LAMA3: variants seen among roughly 807,000 people sequenced by gnomAD.
The protein encoded by LAMA3 is laminin subunit alpha-3.
In LAMA3, 281 loss-of-function variants were observed where a neutral mutation model predicts 402.0. The observed-to-expected ratio is 0.70, with a 90% CI of 0.63 to 0.77. The LOEUF is 0.77. LAMA3 is among the 30% of genes least tolerant of loss of function. The probability of loss-of-function intolerance (pLI) is 0.00; values close to 1 mark genes in which losing one functional copy is unlikely to be tolerated. For synonymous variants in LAMA3, 1,431 were observed against 1,558.4 expected, an observed-to-expected ratio of 0.92 and a Z score of 1.93; for missense variants, 3,840 against 4,215.5, an observed-to-expected ratio of 0.91 and a Z score of 2.47.
chr18:23,803,625 A>G (rs1265738235), intron 12 of LAMA3, among the ~76,000 whole-genome samples: 1 of 152,218 alleles, frequency 6.6e-6, no homozygotes, highest in Non-Finnish European at 1.5e-5. Flanking sequence ...GCCACAGCCC[A>G]TTAATCAATA....
chr18:23,699,899 C>A (rs2060759894), intron 1 of LAMA3, among the ~76,000 whole-genome samples: 1 of 152,100 alleles, frequency 6.6e-6, no homozygotes, highest in South Asian at 2.1e-4. Context: ...ACTAAGCAGA[C>A]CCAGACTTGG....
chr18:23,697,041 A>T (rs1351317045), intron 1 of LAMA3, among the ~76,000 whole-genome samples: 1 of 152,234 alleles, frequency 6.6e-6, no homozygotes, highest in African/African-American at 2.4e-5. Context: ...GAGGCCAAGG[A>T]CCTTTAGAAT....
chr18:23,899,649 A>T, intron 47 of LAMA3, 194 bp downstream of exon 47: 1 of 583,114 alleles, frequency 1.7e-6, no homozygotes, highest in Non-Finnish European at 3.0e-6. Flanking sequence ...GTAGAATATA[A>T]CAGCTTACCA....
intron 1 of LAMA3, among the ~76,000 whole-genome samples, chr18:23,698,484 C>T (rs1009240523): frequency 1.3e-5 from 2 of 152,118 alleles, no homozygotes; most frequent in Admixed American, 6.5e-5. Context: ...GGATTACAGG[C>T]GTGAGCCACC....
Position 23,916,617 on chromosome 18 carries a change from A to AC in LAMA3, c.7846dup (p.His2616ProfsTer17). On this transcript the variant is annotated frameshift_variant, in exon 60 of 75. Transcript: ENST00000313654. LOFTEE classifies it high-confidence loss of function. ...GCTATGCTCGAGTTCCAACTCAACC[A>AC]CATGCTCCCATCCCAACCTTTGGAC... is the stretch of plus-strand genomic sequence containing the variant. 1 of 1,614,156 alleles carries AC rather than the reference A, an allele frequency of 6.2e-7. No individual in the cohort carries two copies. The highest frequency in any genetic ancestry group is 8.5e-7 in the Non-Finnish European group (1 of 1,179,978).
intron 38 of LAMA3, among the ~76,000 whole-genome samples, chr18:23,876,036 C>G (rs189646098): frequency 2.6e-4 from 40 of 152,304 alleles, no homozygotes; most frequent in African/African-American, 8.4e-4. Flanking sequence ...CTCAGCCGGG[C>G]TCAGTGGTGC....
intron 2 of LAMA3, among the ~76,000 whole-genome samples, chr18:23,719,950 T>C (rs975385041): frequency 6.6e-6 from 1 of 152,208 alleles, no homozygotes; most frequent in Non-Finnish European, 1.5e-5. Flanking sequence ...TCCTGAGGAA[T>C]TGTGTAGACT....
At chr18:23,841,821 C>T (rs1018531935) in intron 27 of LAMA3, among the ~76,000 whole-genome samples, 1 of 151,996 alleles carries the variant, frequency 6.6e-6, no homozygotes. Context: ...ACTTGGGAGG[C>T]TGAAGTGGGA....
intron 6 of LAMA3, among the ~76,000 whole-genome samples, chr18:23,757,504 T>C (rs2061874067): frequency 7.1e-6 from 1 of 140,428 alleles, no homozygotes; most frequent in Admixed American, 7.1e-5. Context: ...TAGACCCTTC[T>C]TGGCCTCGCT....
At chr18:23,810,275 G>T (rs1226752820) in intron 12 of LAMA3, 91 bp from the exon 13 acceptor site, 2 of 1,495,466 alleles carry the variant, frequency 1.3e-6, no homozygotes, top group African/African-American at 1.4e-5. Context: ...GGTCTTTCTG[G>T]CTCCACCCTC....
chr18:23,900,872 C>G (rs2081047313), intron 47 of LAMA3, among the ~76,000 whole-genome samples: 1 of 152,184 alleles, frequency 6.6e-6, no homozygotes, highest in Admixed American at 6.5e-5. Context: ...TCAGTCCTCT[C>G]ATTTCTCAAG....
chr18:23,756,434 C>T lies in LAMA3; in HGVS notation c.948-1962C>T, dbSNP rs1042941503. The stretch of plus-strand genomic sequence containing the variant: ...CAAACGACGGCATGCGGGGACACCC[C>T]CGCCGCTTCCCCCGCCCCCACCCCC... On this transcript the variant is annotated intron_variant, in intron 6 of 74. Transcript: ENST00000313654. Among the ~76,000 whole-genome samples, 50 of 150,670 alleles carry T rather than the reference C, an allele frequency of 3.3e-4. 1 individual carries two copies. Among genetic ancestry groups the T allele is most frequent in the African/African-American group, 1.2e-3 (48 of 40,940 alleles).
chr18:23,729,208 A>C (rs868324778), intron 2 of LAMA3, among the ~76,000 whole-genome samples: 24 of 152,010 alleles, frequency 1.6e-4, no homozygotes, highest in African/African-American at 5.1e-4. Context: ...TTATGACTGG[A>C]GTACAGAATA....
rs752430987 is a variant in LAMA3 at position 23,824,440 on chromosome 18, G to C, written c.2446G>C (p.Glu816Gln). 1 of 1,614,170 alleles carries C rather than the reference G, an allele frequency of 6.2e-7. No homozygotes were observed. The highest frequency in any genetic ancestry group is 8.5e-7 in the Non-Finnish European group (1 of 1,179,990). Residue 816 changes from glutamate (E) to glutamine (Q), a missense_variant, in exon 21 of 75, where the codon GAG becomes CAG. Around this residue, in one of 3 missense-constraint regions of LAMA3, gnomAD observed 2,109 missense variants for 2,376.0 expected, o/e 0.89. Coordinates refer to ENST00000313654, the MANE Select transcript of LAMA3 (RefSeq NM_198129.4). ...YPSWGAAQSK[E>Q]IIFLPSKEPA... ...TCTGATAGGTGCTGCTCAAAGCAAA[G>C]AGATCATCTTCCTGCCGAGTAAGGA...
At chr18:23,840,828 T>A (rs2063685789) in intron 27 of LAMA3, among the ~76,000 whole-genome samples, 1 of 152,216 alleles carries the variant, frequency 6.6e-6, no homozygotes, top group South Asian at 2.1e-4. Flanking sequence ...ATGCTTGTGA[T>A]CAGAAATGTT....
chr18:23,901,130 T>C lies in LAMA3; in HGVS notation c.6008T>C (p.Leu2003Pro), dbSNP rs200865470. ...EADKRESQLL[L>P]NRIRTWQKTH... is the part of the protein sequence containing the mutation. ...AACATGAGGTGATGTATTACAGTGCTGAACCGGATAAGGACCTGGCAGAAA... is the reference window on the plus strand; with the variant it reads ...AACATGAGGTGATGTATTACAGTGCCGAACCGGATAAGGACCTGGCAGAAA... Residue 2003 changes from leucine to proline, a missense_variant, in exon 48 of 75, where the codon CTG (leucine) becomes CCG (proline). Physicochemically the swap from Leu to Pro is moderately conservative, Grantham distance 98. Coordinates refer to ENST00000313654, the MANE Select transcript of LAMA3 (RefSeq NM_198129.4). 3 of 1,613,922 alleles carry C rather than the reference T, an allele frequency of 1.9e-6. No individual in the cohort carries two copies. The highest frequency in any genetic ancestry group is 2.2e-5 in the East Asian group (1 of 44,888).
rs749770794 is a variant in LAMA3, at chr18:23,914,568, G to T, written c.7481+7G>T. 4 of 1,613,448 alleles carry T rather than the reference G, an allele frequency of 2.5e-6. No individual in the cohort carries two copies. The South Asian group carries it at 4.4e-5, about 18-fold the overall frequency. On this transcript the variant is annotated splice_region_variant and intron_variant, in intron 57 of 74. Transcript: ENST00000313654. ...ATCGGGTGAAATTTCAGAGGTACAA[G>T]TCTGATTGACTGTACCTGTGCTCAC...
At chr18:23,951,808 A>G in intron 73 of LAMA3, 31 bp downstream of exon 73, 1 of 1,503,806 alleles carries the variant, frequency 6.6e-7, no homozygotes, top group South Asian at 1.1e-5. Flanking sequence ...TTGTTCATGC[A>G]CTAAAACAGG....
intron 50 of LAMA3, among the ~76,000 whole-genome samples, chr18:23,904,345 G>A (rs2081171054): frequency 6.6e-6 from 1 of 152,114 alleles, no homozygotes. Context: ...AATGCGAAGA[G>A]GCTGGGCTCA....
Sources: allele counts gnomAD v4.1 joint callset (sites outside exome capture counted in the v4.1 genomes callset), GRCh38; gene constraint gnomAD v4.1.1; regional missense constraint gnomAD v4.1.1; transcripts MANE v1.5; gene names NCBI Gene and HGNC (gene_info 2026-07-23, HGNC 2026-07-21).